The following SOX5 variants were observed in gnomAD, a reference collection of about 807,000 sequenced individuals.
SOX5 encodes the protein SRY-box transcription factor 5, also known as transcription factor SOX-5.
A neutral mutation model predicts 92.0 loss-of-function variants in SOX5; 9 were observed. The ratio of observed to expected loss-of-function variants is 0.10; its 90% CI spans 0.06 to 0.17. The LOEUF (loss-of-function observed/expected upper bound fraction) is 0.17. Among genes scored for constraint, SOX5 ranks in the 10% least tolerant of loss-of-function variants. SOX5 has a pLI of 1.00. For missense variants in SOX5, 642 were observed against 944.5 expected, an observed-to-expected ratio of 0.68 and a Z score of 4.20; for synonymous variants, 344 against 336.3, an observed-to-expected ratio of 1.02 and a Z score of -0.25.
At chr12:24,009,552 A>G (rs568278581) in intron 4 of SOX5, among the ~76,000 whole-genome samples, 20 of 152,236 alleles carry the variant, frequency 1.3e-4, no homozygotes, top group Admixed American at 1.1e-3. Flanking sequence ...GTATATATAT[A>G]TTAAATTTTG....
chr12:23,813,476 C>A (rs1240019835), intron 3 of SOX5, among the ~76,000 whole-genome samples: 1 of 152,116 alleles, frequency 6.6e-6, no homozygotes, highest in Non-Finnish European at 1.5e-5. Flanking sequence ...ATCACAAGAT[C>A]TGATGACCAC....
chr12:24,267,909 T>G (rs1565790554), intron 3 of SOX5, among the ~76,000 whole-genome samples: 1 of 152,168 alleles, frequency 6.6e-6, no homozygotes, highest in East Asian at 1.9e-4. Context: ...TTTTGAGAGA[T>G]TCTCACATAT....
At chr12:24,097,491 A>AG (rs1945568723) in intron 4 of SOX5, among the ~76,000 whole-genome samples, 1 of 127,442 alleles carries the variant, frequency 7.8e-6, no homozygotes, top group Admixed American at 8.0e-5. Flanking sequence ...ATAATTTTAC[A>AG]GGTTTTTTTT....
At chr12:23,843,136 A>G (rs1179231316) in intron 3 of SOX5, among the ~76,000 whole-genome samples, 1 of 152,168 alleles carries the variant, frequency 6.6e-6, no homozygotes, top group East Asian at 1.9e-4. Flanking sequence ...ATCCTGCAAT[A>G]TATCTGAACA....
intron 3 of SOX5, among the ~76,000 whole-genome samples, chr12:23,765,045 T>G (rs1477483122): frequency 1.3e-5 from 2 of 152,020 alleles, no homozygotes; most frequent in African/African-American, 2.4e-5. Context: ...ATAATTCAAG[T>G]TATATTTTTA....
chr12:23,735,225 T>C (rs910296239), intron 5 of SOX5, among the ~76,000 whole-genome samples: 1 of 152,176 alleles, frequency 6.6e-6, no homozygotes, highest in African/African-American at 2.4e-5. Context: ...ATTTTCTCAT[T>C]ACTGCCTCTC....
At chr12:23,557,746 C>T (rs1013806049) in intron 11 of SOX5, among the ~76,000 whole-genome samples, 5 of 152,078 alleles carry the variant, frequency 3.3e-5, no homozygotes, top group South Asian at 2.1e-4. Context: ...GAGGCCAAGG[C>T]GGGCGGATCA....
chr12:23,936,568 T>C (rs1942605349), intron 1 of SOX5, among the ~76,000 whole-genome samples: 1 of 150,752 alleles, frequency 6.6e-6, no homozygotes, highest in Admixed American at 6.6e-5. Flanking sequence ...TTCTAACTCA[T>C]TGCTACCATA....
Position 23,604,414 on chromosome 12 carries a change from G to A in SOX5, c.1137C>T (p.Ser379=). 2 of 1,613,710 alleles carry A rather than the reference G, an allele frequency of 1.2e-6. No individual in the cohort carries two copies. Among genetic ancestry groups the A allele is most frequent in the South Asian group, 2.2e-5 (2 of 91,066 alleles). The change falls in exon 9 of 15, where the codon AGC becomes AGT. Residue 379 remains serine, a synonymous_variant. Coordinates refer to ENST00000451604, the MANE Select transcript of SOX5 (RefSeq NM_006940.6). ...TGCTTTTGGGTGGTGGGCTGTTTGT[G>A]CTCTTGTCTGTGTGAATGCTGGTAG... is the stretch of plus-strand genomic sequence containing the variant. The part of the protein sequence containing the change: ...VSPTSIHTDK[S]TNSPPPKSKD...
chr12:23,888,305 T>C (rs929990320), intron 2 of SOX5, among the ~76,000 whole-genome samples: 2 of 152,182 alleles, frequency 1.3e-5, no homozygotes, highest in Admixed American at 6.5e-5. Context: ...TACCACGGCA[T>C]TGGAAGCTCT....
intron 4 of SOX5, among the ~76,000 whole-genome samples, chr12:24,020,649 C>T (rs903778812): frequency 2.0e-5 from 3 of 152,120 alleles, no homozygotes; most frequent in African/African-American, 7.2e-5. Flanking sequence ...TTAATAACTC[C>T]AAACAAAGAA....
At chr12:24,268,810 T>C (rs1037352759) in intron 3 of SOX5, among the ~76,000 whole-genome samples, 1 of 152,198 alleles carries the variant, frequency 6.6e-6, no homozygotes, top group Admixed American at 6.5e-5. Context: ...TCTTGTTAAT[T>C]ATTATGTGTT....
At chr12:24,100,553 T>A (rs1472116373) in intron 4 of SOX5, among the ~76,000 whole-genome samples, 4 of 151,968 alleles carry the variant, frequency 2.6e-5, no homozygotes, top group African/African-American at 4.8e-5. Flanking sequence ...GAACCCTTTT[T>A]TAATCTACAC....
chr12:24,006,189 T>C (rs1268706577), intron 4 of SOX5, among the ~76,000 whole-genome samples: 1 of 152,162 alleles, frequency 6.6e-6, no homozygotes, highest in Non-Finnish European at 1.5e-5. Flanking sequence ...AAGAAGGTCC[T>C]CATCTTTTCA....
intron 1 of SOX5, among the ~76,000 whole-genome samples, chr12:24,453,191 C>T (rs1311152279): frequency 6.6e-6 from 1 of 152,038 alleles, no homozygotes; most frequent in East Asian, 1.9e-4. Context: ...TCAGGAAATA[C>T]ATGGTTAAAG....
chr12:24,146,146 G>T (rs1181627988), intron 4 of SOX5, among the ~76,000 whole-genome samples: 1 of 152,098 alleles, frequency 6.6e-6, no homozygotes, highest in Admixed American at 6.6e-5. Flanking sequence ...GAACTAACTG[G>T]CATTGGTAGA....
intron 1 of SOX5, among the ~76,000 whole-genome samples, chr12:24,439,458 C>T (rs1940083502): frequency 6.6e-6 from 1 of 152,178 alleles, no homozygotes; most frequent in Non-Finnish European, 1.5e-5. Context: ...CCTGAGCATG[C>T]TCTTCCTTTC....
At chr12:24,266,033 AAT>A (rs1491256231) in intron 3 of SOX5, among the ~76,000 whole-genome samples, 8 of 114,104 alleles carry the variant, frequency 7.0e-5, no homozygotes, top group South Asian at 3.2e-4. Context: ...CATGCCAGCT[AAT>A]GTGTGTGTGT....
intron 3 of SOX5, among the ~76,000 whole-genome samples, chr12:23,806,411 T>G (rs552765532): frequency 6.6e-6 from 1 of 152,254 alleles, no homozygotes; most frequent in South Asian, 2.1e-4. Flanking sequence ...TACAACACTC[T>G]GCTCCTAACA....
Sources: gnomAD v4.1 joint callset for allele counts (sites outside exome capture counted in the v4.1 genomes callset) on GRCh38, gnomAD v4.1.1 for gene constraint, MANE v1.5 for transcripts, NCBI Gene and HGNC (gene_info 2026-07-23, HGNC 2026-07-21) for gene names.